The following NRXN3 variants were observed in gnomAD, a reference collection of about 807,000 sequenced individuals.
The protein encoded by NRXN3 is neurexin III.
A neutral mutation model predicts 137.6 loss-of-function variants in NRXN3; 32 were observed. That is an observed-to-expected ratio of 0.23 (90% CI 0.18 to 0.31). NRXN3 has a LOEUF of 0.31. Among genes scored for constraint, NRXN3 ranks in the 10% least tolerant of loss-of-function variants. NRXN3 has a pLI of 1.00. For synonymous variants in NRXN3, 798 were observed against 784.5 expected, an observed-to-expected ratio of 1.02 and a Z score of -0.29; for missense variants, 1,574 against 2,062.5, an observed-to-expected ratio of 0.76 and a Z score of 4.59.
chr14:78,226,781 C>T (rs1383131998), intron 1 of NRXN3, among the ~76,000 whole-genome samples: 1 of 151,936 alleles, frequency 6.6e-6, no homozygotes, highest in Non-Finnish European at 1.5e-5. Flanking sequence ...TTAAGTAAAA[C>T]CTGAAACTTG....
intron 1 of NRXN3, chr14:78,231,737 A>G (rs1293326684): frequency 6.6e-6 from 1 of 152,266 alleles, no homozygotes; most frequent in Non-Finnish European, 1.5e-5. Context: ...AATAGTTCCT[A>G]CATCATAGAG....
At chr14:79,012,889 G>T (rs1399013567) in intron 15 of NRXN3, among the ~76,000 whole-genome samples, 1 of 152,122 alleles carries the variant, frequency 6.6e-6, no homozygotes, top group Admixed American at 6.5e-5. Context: ...CCTTGGAAGG[G>T]TTTAGTTCTG....
intron 15 of NRXN3, among the ~76,000 whole-genome samples, chr14:79,308,847 T>C (rs2086621465): frequency 1.4e-5 from 2 of 147,216 alleles, no homozygotes; most frequent in Non-Finnish European, 3.0e-5. Flanking sequence ...AAGCATTCTT[T>C]TTTTTTTTTT....
At chr14:78,608,774 A>G (rs1445814775) in intron 4 of NRXN3, among the ~76,000 whole-genome samples, 1 of 152,180 alleles carries the variant, frequency 6.6e-6, no homozygotes, top group African/African-American at 2.4e-5. Context: ...GTGTAATATG[A>G]TAATTATTAC....
intron 10 of NRXN3, among the ~76,000 whole-genome samples, chr14:78,922,516 G>C (rs1434886819): frequency 6.6e-6 from 1 of 152,158 alleles, no homozygotes; most frequent in Non-Finnish European, 1.5e-5. Flanking sequence ...GTCCAATTTA[G>C]ATGCAGATGG....
At chr14:78,815,883 T>C (rs2098931414) in intron 10 of NRXN3, among the ~76,000 whole-genome samples, 1 of 152,326 alleles carries the variant, frequency 6.6e-6, no homozygotes, top group South Asian at 2.1e-4. Context: ...TAATCATTAC[T>C]GTCAGCCATT....
chr14:78,462,039 A>G (rs1441178313), intron 4 of NRXN3, among the ~76,000 whole-genome samples: 2 of 152,224 alleles, frequency 1.3e-5, no homozygotes, highest in African/African-American at 4.8e-5. Context: ...TGAGGAGAGT[A>G]ATACTTTCCC....
At chr14:78,865,684 T>G (rs1456066359) in intron 10 of NRXN3, among the ~76,000 whole-genome samples, 1 of 152,190 alleles carries the variant, frequency 6.6e-6, no homozygotes, top group African/African-American at 2.4e-5. Context: ...AGCATAAAAT[T>G]TATTAAAGTG....
rs886446697 is a variant in NRXN3 at position 79,193,266 on chromosome 14, A to C, written c.3262+205125A>C. Among the ~76,000 whole-genome samples, 17 of 152,336 alleles carry C rather than the reference A, an allele frequency of 1.1e-4. No individual in the cohort carries two copies. The East Asian group carries it at 1.4e-3, about 12-fold the overall frequency. On this transcript the variant is annotated intron_variant, in intron 15 of 20. Transcript: ENST00000335750. ...AATTAAAGAGAACACTAAAGGGAAA[A>C]GAGAGATGGATTTTACCCTCTGGAT... is the stretch of plus-strand genomic sequence containing the variant.
intron 6 of NRXN3, among the ~76,000 whole-genome samples, chr14:78,693,725 T>A (rs1279361544): frequency 6.7e-6 from 1 of 148,274 alleles, no homozygotes; most frequent in Non-Finnish European, 1.5e-5. Context: ...TCTTGCTTTC[T>A]TTTAGTTCAT....
intron 17 of NRXN3, among the ~76,000 whole-genome samples, chr14:79,688,715 C>T (rs2098704785): frequency 6.6e-6 from 1 of 152,152 alleles, no homozygotes; most frequent in Admixed American, 6.5e-5. Context: ...TCAATACTTT[C>T]ACCTCAAAGT....
chr14:79,539,050 A>T (rs910908930), intron 16 of NRXN3, among the ~76,000 whole-genome samples: 1 of 152,148 alleles, frequency 6.6e-6, no homozygotes, highest in Non-Finnish European at 1.5e-5. Context: ...TGATCGAGAC[A>T]GGTTTTGTTT....
intron 15 of NRXN3, among the ~76,000 whole-genome samples, chr14:79,439,483 A>T (rs1207089184): frequency 1.3e-5 from 2 of 152,216 alleles, no homozygotes; most frequent in Non-Finnish European, 2.9e-5. Flanking sequence ...CCAAGACCAG[A>T]GACAAGACCA....
At chr14:79,335,431 T>A (rs1045137902) in intron 15 of NRXN3, among the ~76,000 whole-genome samples, 3 of 152,164 alleles carry the variant, frequency 2.0e-5, no homozygotes, top group African/African-American at 7.2e-5. Flanking sequence ...ATCCTGAATT[T>A]ATGCTTGTTG....
chr14:79,817,275 A>G (rs543976888), intron 20 of NRXN3, among the ~76,000 whole-genome samples: 3 of 151,394 alleles, frequency 2.0e-5, no homozygotes, highest in Admixed American at 1.3e-4. Context: ...CTGGTCTTGA[A>G]CTCCTGGCCT....
chr14:78,294,958 G>A (rs2076173059), intron 3 of NRXN3, among the ~76,000 whole-genome samples: 1 of 152,194 alleles, frequency 6.6e-6, no homozygotes, highest in Non-Finnish European at 1.5e-5. Context: ...TTGTTTGGAT[G>A]ATTGGTTGTT....
Position 79,062,557 on chromosome 14 carries a change from T to G in NRXN3, c.3262+74416T>G, listed in dbSNP as rs192622634. On this transcript the variant is annotated intron_variant, in intron 15 of 20. Coordinates refer to ENST00000335750, the MANE Select transcript of NRXN3 (RefSeq NM_001330195.2). ...TGGGGCAAAAGCAGGGAGGGAGAGA[T>G]CTACTCGTTAGGGATGAGGGAGCAA... Among the ~76,000 whole-genome samples, 99 of 152,228 alleles carry G rather than the reference T, an allele frequency of 6.5e-4. 1 individual carries two copies. The highest frequency in any genetic ancestry group is 2.3e-3 in the African/African-American group (96 of 41,520).
intron 10 of NRXN3, among the ~76,000 whole-genome samples, chr14:78,856,611 TA>T (rs553336079): frequency 2.2e-4 from 33 of 152,094 alleles, no homozygotes; most frequent in Non-Finnish European, 1.9e-4. Flanking sequence ...AAAGTAAAAT[TA>T]AAAAAAAGCT....
At chr14:79,360,916 C>A (rs2093660199) in intron 15 of NRXN3, among the ~76,000 whole-genome samples, 1 of 152,070 alleles carries the variant, frequency 6.6e-6, no homozygotes, top group Non-Finnish European at 1.5e-5. Context: ...AGTAGTTGCT[C>A]AATAAATGGT....
Sources: gnomAD v4.1 joint callset for allele counts (sites outside exome capture counted in the v4.1 genomes callset) on GRCh38, gnomAD v4.1.1 for gene constraint, MANE v1.5 for transcripts, NCBI Gene and HGNC (gene_info 2026-07-23, HGNC 2026-07-21) for gene names.